TMEM117: variants seen among roughly 807,000 people sequenced by gnomAD.
TMEM117 encodes the protein transmembrane protein 117.
TMEM117 carries 27 observed loss-of-function variants against 52.4 expected under a neutral mutation model. The observed-to-expected ratio is 0.51, with a 90% CI of 0.38 to 0.71. TMEM117 has a LOEUF of 0.71. Ranked by LOEUF, TMEM117 falls within the 30% of genes least tolerant of loss-of-function variation. The pLI is 0.00. For missense variants in TMEM117, 556 were observed against 630.5 expected, an observed-to-expected ratio of 0.88 and a Z score of 1.26; for synonymous variants, 215 against 206.3, an observed-to-expected ratio of 1.04 and a Z score of -0.36.
intron 2 of TMEM117, among the ~76,000 whole-genome samples, chr12:43,878,163 C>G (rs1943836348): frequency 6.6e-6 from 1 of 152,032 alleles, no homozygotes; most frequent in Non-Finnish European, 1.5e-5. Context: ...CCTTAACAAA[C>G]CACTCTGACT....
At chr12:44,042,761 T>TACACACACACACACAC (rs61350418) in intron 3 of TMEM117, among the ~76,000 whole-genome samples, 9 of 132,154 alleles carry the variant, frequency 6.8e-5, no homozygotes, top group East Asian at 2.3e-4. Flanking sequence ...CTTAATAAAC[T>TACACACACACACACAC]ACACACACAC....
Position 44,097,525 on chromosome 12 carries a change from C to T in TMEM117, c.411-46000C>T, listed in dbSNP as rs542565305. Among the ~76,000 whole-genome samples, 93 of 152,048 alleles carry T rather than the reference C, an allele frequency of 6.1e-4. 1 individual carries two copies. In the South Asian group the frequency reaches 0.015, roughly 24 times the overall value. ...TGTGGCACATATACACCATGGAATACTATGCAGCCATAAAAAATGATGAGT... is the reference window on the plus strand; with the variant it reads ...TGTGGCACATATACACCATGGAATATTATGCAGCCATAAAAAATGATGAGT... On this transcript the variant is annotated intron_variant, in intron 3 of 7. Coordinates refer to ENST00000266534, the MANE Select transcript of TMEM117 (RefSeq NM_032256.3).
chr12:43,921,943 A>C (rs1944701425), intron 2 of TMEM117, among the ~76,000 whole-genome samples: 1 of 152,134 alleles, frequency 6.6e-6, no homozygotes, highest in East Asian at 1.9e-4. Flanking sequence ...CAGGTGTCCC[A>C]AATGTCCACT....
At chr12:43,893,645 G>A (rs1338698659) in intron 2 of TMEM117, among the ~76,000 whole-genome samples, 1 of 152,070 alleles carries the variant, frequency 6.6e-6, no homozygotes, top group Non-Finnish European at 1.5e-5. Context: ...CCATCCAAAT[G>A]TTACCTGTTC....
At chr12:43,999,290 A>T (rs565371876) in intron 3 of TMEM117, among the ~76,000 whole-genome samples, 1 of 152,320 alleles carries the variant, frequency 6.6e-6, no homozygotes, top group South Asian at 2.1e-4. Context: ...TCATGCTTCC[A>T]AAAAGGTTTC....
intron 3 of TMEM117, among the ~76,000 whole-genome samples, chr12:44,117,344 GT>G (rs148021933): frequency 0.012 from 1,863 of 151,144 alleles, 42 homozygotes; most frequent in African/African-American, 0.042. Context: ...ATAGCATACT[GT>G]TTTTTTTTCT....
At chr12:44,140,321 C>G (rs1948553122) in intron 3 of TMEM117, among the ~76,000 whole-genome samples, 1 of 151,994 alleles carries the variant, frequency 6.6e-6, no homozygotes. Context: ...TTTCATGATT[C>G]AATCTCATTT....
intron 3 of TMEM117, among the ~76,000 whole-genome samples, chr12:43,997,175 A>C (rs547897410): frequency 1.4e-4 from 21 of 152,280 alleles, no homozygotes; most frequent in African/African-American, 4.8e-4. Flanking sequence ...CTAACATAGA[A>C]CCCAGATATA....
rs11182378 is a variant in TMEM117, at chr12:44,010,580, C to G, written c.410+66238C>G. On this transcript the variant is annotated intron_variant, in intron 3 of 7. Coordinates refer to ENST00000266534, the MANE Select transcript of TMEM117 (RefSeq NM_032256.3). ...TGTTCTTTGCTTCTGTTTTTGTGTT[C>G]CACACTTTTGCTGCCTTTTGTGGTT... 1.0e-3 allele frequency among the ~76,000 whole-genome samples: 153 copies of G among 152,224 alleles called. 2 individuals are homozygous for G. In the East Asian group the frequency reaches 0.025, roughly 25 times the overall value.
At chr12:43,925,242 C>A (rs1944759732) in intron 2 of TMEM117, among the ~76,000 whole-genome samples, 1 of 151,814 alleles carries the variant, frequency 6.6e-6, no homozygotes, top group African/African-American at 2.4e-5. Context: ...GGTGTCTAGC[C>A]AGAGGTGAGA....
chr12:44,092,153 G>A (rs574526993), intron 3 of TMEM117, among the ~76,000 whole-genome samples: 1 of 152,318 alleles, frequency 6.6e-6, no homozygotes, highest in Admixed American at 6.5e-5. Context: ...TGTATCAGCT[G>A]CATCTCTTTA....
At chr12:43,869,283 T>C (rs1943664103) in intron 2 of TMEM117, among the ~76,000 whole-genome samples, 1 of 152,192 alleles carries the variant, frequency 6.6e-6, no homozygotes, top group Admixed American at 6.5e-5. Context: ...ATCCTTCTCT[T>C]AAGCAAAAGG....
chr12:44,009,760 C>T (rs1170799625), intron 3 of TMEM117: 1 of 264,376 alleles, frequency 3.8e-6, no homozygotes, highest in Admixed American at 4.0e-5. Context: ...CAGGTTCTCT[C>T]TGCAAGCGTT....
At chr12:44,136,267 T>C (rs1948488804) in intron 3 of TMEM117, among the ~76,000 whole-genome samples, 1 of 152,132 alleles carries the variant, frequency 6.6e-6, no homozygotes, top group African/African-American at 2.4e-5. Context: ...ATAACTTTAG[T>C]GAAGATAAAT....
intron 2 of TMEM117, among the ~76,000 whole-genome samples, chr12:43,878,273 A>G (rs1943837818): frequency 6.6e-6 from 1 of 152,124 alleles, no homozygotes; most frequent in Non-Finnish European, 1.5e-5. Flanking sequence ...TCACTTTTAT[A>G]GTTAGCTTAA....
chr12:44,385,078 T>A (rs995202582), intron 7 of TMEM117, among the ~76,000 whole-genome samples: 6 of 152,118 alleles, frequency 3.9e-5, no homozygotes, highest in Non-Finnish European at 8.8e-5. Flanking sequence ...ATAACCGTGG[T>A]CTAGAGAGGT....
chr12:43,875,246 T>TGA lies in TMEM117; in HGVS notation c.277+30319_277+30320insAG, dbSNP rs774744646. Among the ~76,000 whole-genome samples the TGA allele has an allele frequency of 2.9e-3, 436 of 151,428 alleles. 2 individuals are homozygous for TGA. Among genetic ancestry groups the TGA allele is most frequent in the Non-Finnish European group, 5.4e-3 (366 of 67,808 alleles). The stretch of plus-strand genomic sequence containing the variant: ...GTGTGTGTGTGTGTGTGTGTGTGTG[T>TGA]GTGTGAGAAAAGAGTCAGAATCGGG... On this transcript the variant is annotated intron_variant, in intron 2 of 7. Coordinates refer to ENST00000266534, the MANE Select transcript of TMEM117 (RefSeq NM_032256.3).
At chr12:44,230,120 A>T (rs1949914101) in intron 5 of TMEM117, among the ~76,000 whole-genome samples, 1 of 152,026 alleles carries the variant, frequency 6.6e-6, no homozygotes, top group African/African-American at 2.4e-5. Flanking sequence ...TGACTCGTTT[A>T]ATCAGAGCAT....
intron 2 of TMEM117, among the ~76,000 whole-genome samples, chr12:43,861,477 A>G (rs1200924478): frequency 6.6e-6 from 1 of 152,196 alleles, no homozygotes; most frequent in Non-Finnish European, 1.5e-5. Flanking sequence ...ACTCTATGCT[A>G]TCCACTGAAT....
Sources: allele counts gnomAD v4.1 joint callset (sites outside exome capture counted in the v4.1 genomes callset), GRCh38; gene constraint gnomAD v4.1.1; transcripts MANE v1.5; gene names NCBI Gene and HGNC (gene_info 2026-07-23, HGNC 2026-07-21).